FUT8: variants seen among roughly 807,000 people sequenced by gnomAD.
The protein encoded by FUT8 is fucosyltransferase 8.
FUT8 carries 29 observed loss-of-function variants against 71.3 expected under a neutral mutation model. The observed-to-expected ratio is 0.41, with a 90% confidence interval of 0.30 to 0.55. The LOEUF is 0.55. FUT8 is among the 20% of genes least tolerant of loss of function. FUT8 has a pLI of 0.34. For synonymous variants in FUT8, 254 were observed against 239.3 expected (o/e 1.06, Z -0.57); for missense variants, 544 against 702.1 (o/e 0.77, Z 2.55).
the FUT8 span, among the ~76,000 whole-genome samples, chr14:65,370,416 G>T: frequency 1.3e-5 from 2 of 151,494 alleles, no homozygotes; most frequent in African/African-American, 2.4e-5. Context: ...CACCGTGTCA[G>T]CCAGGATGGT....
intron 6 of FUT8, among the ~76,000 whole-genome samples, chr14:65,650,707 C>CAAA (rs57971519): frequency 1.6e-3 from 185 of 118,918 alleles, no homozygotes; most frequent in African/African-American, 5.1e-3. Flanking sequence ...CTGCTAATTA[C>CAAA]AAAAAAAAAA....
intron 3 of FUT8, among the ~76,000 whole-genome samples, chr14:65,604,183 A>G (rs566000327): frequency 3.1e-4 from 47 of 152,030 alleles, no homozygotes; most frequent in African/African-American, 1.0e-3. Flanking sequence ...TGACAGCACT[A>G]GACAGGTCAT....
chr14:65,374,437 C>G, the FUT8 span, among the ~76,000 whole-genome samples: 1 of 152,146 alleles, frequency 6.6e-6, no homozygotes, highest in African/African-American at 2.4e-5. Context: ...TTCCCCTGCC[C>G]CTGCCCACAC....
At chr14:65,557,392 T>G (rs1029541577) in intron 2 of FUT8, among the ~76,000 whole-genome samples, 2 of 151,168 alleles carry the variant, frequency 1.3e-5, no homozygotes, top group African/African-American at 2.4e-5. Context: ...GAGTGTGGTG[T>G]TGTGATCTCG....
intron 3 of FUT8, among the ~76,000 whole-genome samples, chr14:65,611,307 C>CCA (rs112511336): frequency 2.0e-5 from 2 of 102,414 alleles, no homozygotes; most frequent in Admixed American, 9.9e-5. Context: ...ACACACCCCC[C>CCA]AAGTAATAGC....
chr14:65,678,181 G>C (rs1892859661), intron 7 of FUT8, among the ~76,000 whole-genome samples: 1 of 152,182 alleles, frequency 6.6e-6, no homozygotes, highest in African/African-American at 2.4e-5. Context: ...ATAATAGCAT[G>C]ATTGGGTTAT....
intron 1 of FUT8, among the ~76,000 whole-genome samples, chr14:65,441,005 T>C (rs1227979637): frequency 2.0e-5 from 3 of 152,134 alleles, no homozygotes; most frequent in Admixed American, 2.0e-4. Flanking sequence ...CATTTTATAC[T>C]CAAAACTATG....
At chr14:65,698,337 A>G (rs1436666547) in intron 7 of FUT8, among the ~76,000 whole-genome samples, 1 of 152,222 alleles carries the variant, frequency 6.6e-6, no homozygotes, top group Non-Finnish European at 1.5e-5. Flanking sequence ...GGAAAAGTGT[A>G]CAGTAAAATA....
chr14:65,564,241 A>G (rs978947017), intron 3 of FUT8, among the ~76,000 whole-genome samples: 7 of 152,098 alleles, frequency 4.6e-5, no homozygotes, highest in African/African-American at 1.7e-4. Flanking sequence ...TTCACAAGTC[A>G]GACTACAAAA....
At chr14:65,630,094 C>T (rs1890107813) in intron 6 of FUT8, among the ~76,000 whole-genome samples, 1 of 151,980 alleles carries the variant, frequency 6.6e-6, no homozygotes, top group African/African-American at 2.4e-5. Flanking sequence ...GTACAGGAAC[C>T]CATATGATAA....
chr14:65,410,575 G>GTTTTT (rs35855271), upstream of FUT8: 4 of 122,016 alleles, frequency 3.3e-5, no homozygotes, highest in African/African-American at 6.1e-5. Flanking sequence ...CCTAGGACAG[G>GTTTTT]TTTTTTTTTT....
chr14:65,543,536 G>GT (rs529836758), intron 2 of FUT8, among the ~76,000 whole-genome samples: 63 of 151,916 alleles, frequency 4.1e-4, no homozygotes, highest in African/African-American at 1.4e-3. Context: ...GAGGGTGAGT[G>GT]TTTTTTTAAA....
rs1040814783 is a variant in FUT8 at position 65,472,937 on chromosome 14, T to G, written c.-228+17219T>G. Among the ~76,000 whole-genome samples, 1 of 152,162 alleles carries G rather than the reference T, an allele frequency of 6.6e-6. No individual in the cohort carries two copies. Among genetic ancestry groups the G allele is most frequent in the African/African-American group, 2.4e-5 (1 of 41,448 alleles). ...TATAATTTTATTTTCTTTAGAAAAC[T>G]TTACATTGAAAAGATCACATTATAG... On this transcript the variant is annotated intron_variant, in intron 2 of 10. Coordinates refer to ENST00000673929, the MANE Select transcript of FUT8 (RefSeq NM_001371533.1). This position sits in a 1 kb window ranked among gnomAD's most constrained non-coding sequence, Gnocchi z 4.4.
chr14:65,606,109 G>C (rs1180768882), intron 3 of FUT8, among the ~76,000 whole-genome samples: 1 of 131,572 alleles, frequency 7.6e-6, no homozygotes, highest in Non-Finnish European at 1.6e-5. Flanking sequence ...GTCTCGCTCT[G>C]TCGCCCAGGC....
Position 65,413,902 on chromosome 14 carries a change from T to C in FUT8, c.-326+688T>C, listed in dbSNP as rs1464758926. Among the ~76,000 whole-genome samples, 1 of 152,162 alleles carries C rather than the reference T, an allele frequency of 6.6e-6. No individual in the cohort carries two copies. The highest frequency in any genetic ancestry group is 1.5e-5 in the Non-Finnish European group (1 of 68,012). Reference sequence around the variant, plus strand: ...GTTGTCGGGTGCAGCACCTGTTCTTTCTTCACAGTGGGGATTGCAATCTTC... The same window carrying C: ...GTTGTCGGGTGCAGCACCTGTTCTTCCTTCACAGTGGGGATTGCAATCTTC... On this transcript the variant is annotated intron_variant, in intron 1 of 10. Transcript: ENST00000673929. The surrounding 1 kb of genome is among the most constrained non-coding windows in gnomAD (Gnocchi z 4.1).
At chr14:65,666,297 C>T (rs566857206) in intron 6 of FUT8, among the ~76,000 whole-genome samples, 1 of 152,140 alleles carries the variant, frequency 6.6e-6, no homozygotes, top group South Asian at 2.1e-4. Flanking sequence ...CAGTCCTGAC[C>T]TATTTTATGA....
chr14:65,382,300 C>G, the FUT8 span, among the ~76,000 whole-genome samples: 8 of 152,062 alleles, frequency 5.3e-5, no homozygotes, highest in African/African-American at 1.7e-4. Flanking sequence ...CTTTGAAAAC[C>G]CAGATGAAAT....
intron 3 of FUT8, among the ~76,000 whole-genome samples, chr14:65,573,813 A>G (rs1886615890): frequency 6.6e-6 from 1 of 151,584 alleles, no homozygotes; most frequent in Admixed American, 6.6e-5. Flanking sequence ...TAGGTTCATT[A>G]GAACTATTAG....
the FUT8 span, among the ~76,000 whole-genome samples, chr14:65,376,557 C>G: frequency 7.4e-6 from 1 of 135,060 alleles, no homozygotes; most frequent in Non-Finnish European, 1.6e-5. Context: ...ATTATAGGCG[C>G]CCACCACCAT....
Sources: gnomAD v4.1 joint callset for allele counts (sites outside exome capture counted in the v4.1 genomes callset) on GRCh38, gnomAD v4.1.1 for gene constraint, Gnocchi (gnomAD v3.1) non-coding constraint, MANE v1.5 for transcripts, NCBI Gene and HGNC (gene_info 2026-07-23, HGNC 2026-07-21) for gene names.